The following CPLANE1 variants were observed in gnomAD, a reference collection of about 807,000 sequenced individuals.
CPLANE1 encodes ciliogenesis and planar polarity effector 1.
Under a neutral mutation model 362.5 loss-of-function variants are expected in CPLANE1, and 263 were observed. The ratio of observed to expected loss-of-function variants is 0.73; its 90% confidence interval spans 0.66 to 0.80. The LOEUF is 0.80. Among genes scored for constraint, CPLANE1 ranks in the 30% least tolerant of loss-of-function variants. CPLANE1 has a pLI of 0.00. For missense variants in CPLANE1, 3,461 were observed against 3,793.4 expected (o/e 0.91, Z 2.30); for synonymous variants, 1,212 against 1,302.6 (o/e 0.93, Z 1.50).
rs767243186 is a variant in CPLANE1, at chr5:37,120,347, T to C, written c.9186-7A>G. On this transcript the variant is annotated splice_region_variant and splice_polypyrimidine_tract_variant and intron_variant, in intron 49 of 52. Transcript: ENST00000651892. ...GTGACCATGTTGATTCTCTCTATAG[T>C]AGAAATCACATAATTATTACATTCC... is the stretch of plus-strand genomic sequence containing the variant. 3 of 1,553,746 alleles carry C rather than the reference T, an allele frequency of 1.9e-6. No homozygotes were observed. Among genetic ancestry groups the C allele is most frequent in the Admixed American group, 2.3e-5 (1 of 43,520 alleles).
At chr5:37,139,315 GT>G in intron 45 of CPLANE1, 24 bp downstream of exon 45, 1 of 1,369,330 alleles carries the variant, frequency 7.3e-7, no homozygotes, top group Non-Finnish European at 9.9e-7. Flanking sequence ...AAAGAAAATT[GT>G]GAATTAACTC....
At chr5:37,136,022 C>T (rs746695447) in intron 46 of CPLANE1, among the ~76,000 whole-genome samples, 83 of 152,218 alleles carry the variant, frequency 5.5e-4, no homozygotes, top group Admixed American at 1.9e-3. Context: ...CCGGCCCTTT[C>T]CAAATCTCAT....
intron 15 of CPLANE1, among the ~76,000 whole-genome samples, chr5:37,220,801 G>A (rs762006620): frequency 3.3e-5 from 5 of 152,206 alleles, no homozygotes; most frequent in Non-Finnish European, 5.9e-5. Context: ...TTACAGGCGT[G>A]AGCCACTGTG....
intron 30 of CPLANE1, 71 bp downstream of exon 30, chr5:37,177,550 T>C: frequency 1.8e-6 from 2 of 1,086,056 alleles, no homozygotes; most frequent in Non-Finnish European, 2.8e-6. Context: ...TTGTAAATTA[T>C]GAAGGAAAAA....
At chr5:37,108,925 T>C (rs1035313173) in intron 51 of CPLANE1, among the ~76,000 whole-genome samples, 1 of 152,208 alleles carries the variant, frequency 6.6e-6, no homozygotes, top group Non-Finnish European at 1.5e-5. Flanking sequence ...GTGGTGACAA[T>C]ACATTATGAC....
chr5:37,221,606 T>C, intron 14 of CPLANE1, 118 bp from the exon 15 acceptor site: 1 of 550,132 alleles, frequency 1.8e-6, no homozygotes, highest in Non-Finnish European at 2.8e-6. Context: ...ACACTCATGA[T>C]ATGTAAACTT....
the CPLANE1 span, among the ~76,000 whole-genome samples, chr5:37,076,916 C>G: frequency 6.6e-6 from 1 of 150,562 alleles, no homozygotes; most frequent in Non-Finnish European, 1.5e-5. Context: ...TGAAGCTCCT[C>G]TGGTAGGCTC....
Position 37,142,316 on chromosome 5 carries a change from A to C in CPLANE1, c.8626T>G (p.Ser2876Ala), listed in dbSNP as rs751260970. 6.4e-7 allele frequency: 1 copy of C among 1,572,208 alleles called. No homozygotes were observed. The highest frequency in any genetic ancestry group is 2.3e-5 in the East Asian group (1 of 43,104). ...LSSSSDQNTT[S>A]PGMNSSDELC... is the part of the protein sequence containing the mutation. ...AAAAAGTAAAGAACAATACCAGGAG[A>C]AGTAGTATTCTGATCACTGGAACTG... The change falls in exon 44 of 53, where the codon TCT becomes GCT. Residue 2876 changes from serine (S) to alanine (A), a missense_variant. This residue lies in a region of CPLANE1 where 3,380 missense variants were observed against 3,666.1 expected (regional missense o/e 0.92). Transcript: ENST00000651892.
At position 37,186,328 on chromosome 5, in the gene CPLANE1, A is replaced by G. The variant is rs1239905562; in HGVS notation, c.4147T>C (p.Tyr1383His). ...EDVRVPLRDK[Y>H]HSLHQRLRHC... ...CTGAGTCTCTGGTGAAGAGAGTGAT[A>G]TTTGTCTCTTAAAGGAACCCTCACG... Residue 1383 changes from tyrosine (Y) to histidine (H), a missense_variant, in exon 24 of 53, where the codon TAT becomes CAT. Around this residue, in one of 2 missense-constraint regions of CPLANE1, gnomAD observed 3,380 missense variants for 3,666.1 expected, o/e 0.92. Coordinates refer to ENST00000651892, the MANE Select transcript of CPLANE1 (RefSeq NM_001384732.1). The G allele has an allele frequency of 1.9e-6, 3 of 1,604,498 alleles. No individual in the cohort carries two copies. The highest frequency in any genetic ancestry group is 1.7e-4 in the Middle Eastern group (1 of 6,048).
Position 37,239,572 on chromosome 5 carries a change from G to C in CPLANE1, c.834+141C>G, listed in dbSNP as rs1323762010. ...CACTCCAGCCTAGGCAACAGAGAGA[G>C]ACCCTGTCAAAAAAAAAAAAAAAAA... On this transcript the variant is annotated intron_variant, in intron 7 of 52. Coordinates refer to ENST00000651892, the MANE Select transcript of CPLANE1 (RefSeq NM_001384732.1). The C allele has an allele frequency of 1.4e-5, 7 of 505,956 alleles. No homozygotes were observed. The African/African-American group carries it at 1.9e-4, about 13-fold the overall frequency. The allele number at this position is 505,956 out of a possible 1,614,324, so 31.3% of individuals were successfully genotyped here. A position where few individuals can be genotyped will look rare whatever the true frequency, so the allele number is the denominator to read the frequency against.
At chr5:37,204,971 AC>A (rs1029019713) in intron 18 of CPLANE1, among the ~76,000 whole-genome samples, 1 of 152,220 alleles carries the variant, frequency 6.6e-6, no homozygotes, top group African/African-American at 2.4e-5. Flanking sequence ...AGCCTGGCCA[AC>A]AAGGTGAAAC....
chr5:37,149,848 T>C (rs142254822), intron 42 of CPLANE1, among the ~76,000 whole-genome samples: 17 of 152,228 alleles, frequency 1.1e-4, no homozygotes, highest in African/African-American at 3.6e-4. Flanking sequence ...CTCCCAACCT[T>C]GTACCACAAT....
At chr5:37,112,365 G>T (rs1169895465) in intron 51 of CPLANE1, among the ~76,000 whole-genome samples, 1 of 152,072 alleles carries the variant, frequency 6.6e-6, no homozygotes, top group Non-Finnish European at 1.5e-5. Context: ...TTTTTCCAGG[G>T]TTTATCTGGG....
chr5:37,138,097 G>A (rs774520140), intron 46 of CPLANE1, among the ~76,000 whole-genome samples: 2 of 152,078 alleles, frequency 1.3e-5, no homozygotes, highest in African/African-American at 4.8e-5. Context: ...GAATTTGTTA[G>A]TTTTCTGCTT....
the CPLANE1 span, among the ~76,000 whole-genome samples, chr5:37,093,183 T>C: frequency 6.6e-6 from 1 of 152,174 alleles, no homozygotes; most frequent in South Asian, 2.1e-4. Context: ...TATTACTGAG[T>C]CAGTATAAAC....
At chr5:37,155,589 G>A (rs1019255277) in intron 41 of CPLANE1, among the ~76,000 whole-genome samples, 5 of 152,094 alleles carry the variant, frequency 3.3e-5, no homozygotes, top group African/African-American at 4.8e-5. Flanking sequence ...TGCCAAGGCC[G>A]GTGTCAAACT....
At chr5:37,219,115 C>A (rs1365726139) in intron 15 of CPLANE1, among the ~76,000 whole-genome samples, 1 of 152,112 alleles carries the variant, frequency 6.6e-6, no homozygotes, top group Non-Finnish European at 1.5e-5. Flanking sequence ...GTGGCTCACA[C>A]CTATAACCCC....
chr5:37,227,533 G>T (rs1244359062), intron 10 of CPLANE1, 35 bp downstream of exon 10: 1 of 1,506,108 alleles, frequency 6.6e-7, no homozygotes, highest in Admixed American at 2.5e-5. Flanking sequence ...AAAGAAAAAG[G>T]CAACTTTCCC....
At chr5:37,215,943 C>T (rs1023393228) in intron 15 of CPLANE1, among the ~76,000 whole-genome samples, 5 of 151,700 alleles carry the variant, frequency 3.3e-5, no homozygotes, top group African/African-American at 9.7e-5. Flanking sequence ...GCCATCTTCC[C>T]GCCTCAGTCT....
Sources: allele counts gnomAD v4.1 joint callset (sites outside exome capture counted in the v4.1 genomes callset), GRCh38; gene constraint gnomAD v4.1.1; regional missense constraint gnomAD v4.1.1; transcripts MANE v1.5; gene names NCBI Gene and HGNC (gene_info 2026-07-23, HGNC 2026-07-21).